DLEC1: variants seen among roughly 807,000 people sequenced by gnomAD.
DLEC1 encodes DLEC1 cilia and flagella associated protein, also known as deleted in lung and esophageal cancer protein 1.
DLEC1 carries 146 observed loss-of-function variants against 198.1 expected under a neutral mutation model. That is an observed-to-expected ratio of 0.74 (90% confidence interval 0.64 to 0.85). DLEC1 has a LOEUF of 0.85. Ranked by LOEUF, DLEC1 falls within the 40% of genes least tolerant of loss-of-function variation. The pLI is 0.00. For missense variants in DLEC1, 2,233 were observed against 2,220.0 expected, an observed-to-expected ratio of 1.01 and a Z score of -0.12; for synonymous variants, 897 against 866.8, an observed-to-expected ratio of 1.03 and a Z score of -0.61.
rs538519702 is a variant in DLEC1, at chr3:38,115,760, G to A, written c.3857-693G>A. 4.6e-5 allele frequency among the ~76,000 whole-genome samples: 7 copies of A among 152,236 alleles called. No homozygotes were observed. The South Asian group carries it at 8.3e-4, about 18-fold the overall frequency. ...TTGGGGGCTTCTGGGAGATGAGGTG[G>A]GGCTACCGGCTGGGTGTGGGAAGGC... On this transcript the variant is annotated intron_variant, in intron 27 of 36. Transcript: ENST00000308059.
At chr3:38,110,039 T>C in intron 22 of DLEC1, 60 bp from the exon 23 acceptor site, 1 of 1,579,068 alleles carries the variant, frequency 6.3e-7, no homozygotes, top group Admixed American at 1.7e-5. Context: ...GATGGCTCCC[T>C]GGGCAGGGCC....
chr3:38,039,535 T>G lies in DLEC1; in HGVS notation c.310T>G (p.Tyr104Asp). 6.2e-7 allele frequency: 1 copy of G among 1,614,042 alleles called. No homozygotes were observed. The highest frequency in any genetic ancestry group is 1.7e-5 in the Admixed American group (1 of 60,034). The change falls in exon 1 of 37, where the codon TAC becomes GAC. Residue 104 changes from tyrosine to aspartate, a missense_variant. By Grantham distance (160) the Tyr-to-Asp change is radical. Transcript: ENST00000308059. ...HLLTGVFRNL[Y>D]SAEVIGDEVS... The stretch of plus-strand genomic sequence containing the variant: ...GCTCACCGGCGTCTTCCGCAACTTG[T>G]ACTCAGCCGAGGTCATCGGCGACGA...
chr3:38,122,547 C>T lies in DLEC1; in HGVS notation c.*135C>T. 1 of 1,609,564 alleles carries T rather than the reference C, an allele frequency of 6.2e-7. No homozygotes were observed. Among genetic ancestry groups the T allele is most frequent in the African/African-American group, 1.3e-5 (1 of 74,738 alleles). ...CTGGGCAGCTCCTGGAATGGAAGAA[C>T]CCCCTTCCACAATGGTCTCAGCCTA... On this transcript the variant is annotated 3_prime_UTR_variant, in exon 37 of 37. Coordinates refer to ENST00000308059, the MANE Select transcript of DLEC1 (RefSeq NM_007335.4).
intron 2 of DLEC1, among the ~76,000 whole-genome samples, chr3:38,055,219 G>A (rs903383932): frequency 1.3e-5 from 2 of 152,214 alleles, no homozygotes; most frequent in African/African-American, 4.8e-5. Flanking sequence ...AGAGAAGTGT[G>A]GGGACATGAG....
chr3:38,086,445 C>CT, intron 9 of DLEC1, 68 bp downstream of exon 9: 1 of 1,547,384 alleles, frequency 6.5e-7, no homozygotes. Context: ...CCCAGAGGAA[C>CT]TTACTAGAGT....
intron 13 of DLEC1, chr3:38,095,410 C>T (rs372916334): frequency 3.3e-5 from 11 of 337,388 alleles, no homozygotes; most frequent in African/African-American, 1.6e-4. Flanking sequence ...TGCAGGGACC[C>T]GAGGGCCAGG....
intron 23 of DLEC1, among the ~76,000 whole-genome samples, chr3:38,110,937 CAT>C (rs749453369): frequency 5.3e-5 from 8 of 152,058 alleles, no homozygotes; most frequent in East Asian, 3.9e-4. Context: ...TGCACACACA[CAT>C]ATACATAAAC....
chr3:38,112,272 G>T lies in DLEC1; in HGVS notation c.3577G>T (p.Gly1193Cys), dbSNP rs562227740. ...TGCTTTCTTCCCTCACTTTTCCCAG[G>T]GCATGCTGGGGCCCTACCAGCAGCT... Reference protein sequence around the residue: ...GAAFFPHFSQGMLGPYQQLCI... With the variant: ...GAAFFPHFSQCMLGPYQQLCI... Residue 1193 changes from glycine (G) to cysteine (C), a missense_variant, in exon 25 of 37, where the codon GGC becomes TGC. Physicochemically the swap from Gly to Cys is radical, Grantham distance 159. Transcript: ENST00000308059. This position sits in a 1 kb window ranked among gnomAD's most constrained non-coding sequence, Gnocchi z 4.8. 1.2e-6 allele frequency: 2 copies of T among 1,614,132 alleles called. No individual in the cohort carries two copies. The highest frequency in any genetic ancestry group is 1.1e-5 in the South Asian group (1 of 91,086).
chr3:38,090,694 T>C (rs572446490), intron 10 of DLEC1, among the ~76,000 whole-genome samples: 1 of 152,362 alleles, frequency 6.6e-6, no homozygotes, highest in South Asian at 2.1e-4. Flanking sequence ...GTTGCCAAAA[T>C]CCTTACCATG....
At chr3:38,097,358 A>AG in intron 16 of DLEC1, 83 bp downstream of exon 16, 1 of 1,538,348 alleles carries the variant, frequency 6.5e-7, no homozygotes, top group South Asian at 1.2e-5. Flanking sequence ...GGGCTTATGC[A>AG]GGGCTCTTGG....
chr3:38,095,268 T>G (rs1015673311), intron 13 of DLEC1, 197 bp downstream of exon 13: 2 of 621,714 alleles, frequency 3.2e-6, no homozygotes, highest in Admixed American at 3.0e-5. Flanking sequence ...CTGGTCCTGA[T>G]CCCAGACTCA....
At position 38,116,578 on chromosome 3, in the gene DLEC1, G is replaced by GA; in HGVS notation, c.3983dup (p.Asp1328GlufsTer4). ...AGCCGGGAATGAGCTTGTGTGCCCT[G>GA]ATACCCCTGAGGGTGGCTGCCTCCT... is the stretch of plus-strand genomic sequence containing the variant. On this transcript the variant is annotated frameshift_variant, in exon 28 of 37. Coordinates refer to ENST00000308059, the MANE Select transcript of DLEC1 (RefSeq NM_007335.4). LOFTEE classifies it high-confidence loss of function. 1 of 1,614,108 alleles carries GA rather than the reference G, an allele frequency of 6.2e-7. No homozygotes were observed. Among genetic ancestry groups the GA allele is most frequent in the South Asian group, 1.1e-5 (1 of 91,088 alleles).
At position 38,086,348 on chromosome 3, in the gene DLEC1, A is replaced by C; in HGVS notation, c.1543A>C (p.Lys515Gln). 2 of 1,611,082 alleles carry C rather than the reference A, an allele frequency of 1.2e-6. No individual in the cohort carries two copies. The highest frequency in any genetic ancestry group is 1.7e-6 in the Non-Finnish European group (2 of 1,178,568). The part of the protein sequence containing the change: ...FSVGRFCIMP[K>Q]TSWPPLSFKA... ...TGTTGGCAGGTTCTGCATTATGCCC[A>C]AAACAAGCTGGCCACCACTAAGTTT... Residue 515 changes from lysine (K) to glutamine (Q), a missense_variant, in exon 9 of 37, where the codon AAA (lysine) becomes CAA (glutamine). Lys to Gln is a moderately conservative substitution (Grantham distance 53). Coordinates refer to ENST00000308059, the MANE Select transcript of DLEC1 (RefSeq NM_007335.4).
At chr3:38,054,406 C>T (rs1696240817) in intron 2 of DLEC1, among the ~76,000 whole-genome samples, 1 of 152,172 alleles carries the variant, frequency 6.6e-6, no homozygotes, top group Non-Finnish European at 1.5e-5. Flanking sequence ...TGCTAGCCTA[C>T]AGTGTTTCAC....
rs1487902864 is a variant in DLEC1, at chr3:38,064,627, A to G, written c.1173+708A>G. Reference sequence around the variant, plus strand: ...CCACCACCTCCCGGGAAGGGCGGCTAGCCGGGCGGGGGCTGCCCCCCACCT... The same window carrying G: ...CCACCACCTCCCGGGAAGGGCGGCTGGCCGGGCGGGGGCTGCCCCCCACCT... On this transcript the variant is annotated intron_variant, in intron 6 of 36. Transcript: ENST00000308059. 1.3e-4 allele frequency among the ~76,000 whole-genome samples: 18 copies of G among 143,262 alleles called. No individual in the cohort carries two copies. The East Asian group carries it at 1.5e-3, about 12-fold the overall frequency. The allele number at this position is 143,262 out of a possible 152,430, so 94.0% of individuals were successfully genotyped here. A position where few individuals can be genotyped will look rare whatever the true frequency, so the allele number is the denominator to read the frequency against.
Position 38,086,299 on chromosome 3 carries a change from C to T in DLEC1, c.1494C>T (p.Phe498=), listed in dbSNP as rs188278132. ...CLIGGVKMTR[F]ICKNVGFSVG... ...TTGGGGGAGTCAAGATGACCAGATT[C>T]ATCTGCAAAAATGTGGGTTTCAGTG... is the stretch of plus-strand genomic sequence containing the variant. Residue 498 remains phenylalanine, a synonymous_variant, in exon 9 of 37, where the codon TTC becomes TTT. Coordinates refer to ENST00000308059, the MANE Select transcript of DLEC1 (RefSeq NM_007335.4). The T allele has an allele frequency of 1.2e-4, 200 of 1,612,856 alleles. No homozygotes were observed. In the Admixed American group the frequency reaches 3.3e-3, roughly 27 times the overall value.
At chr3:38,122,015 T>G in intron 35 of DLEC1, 56 bp from the exon 36 acceptor site, 1 of 1,600,586 alleles carries the variant, frequency 6.2e-7, no homozygotes, top group Non-Finnish European at 8.5e-7. Flanking sequence ...AAAGTCTTCC[T>G]GTGGGAGTAC....
chr3:38,122,534 T>C lies in DLEC1; in HGVS notation c.*122T>C, dbSNP rs1700541409. 3.1e-6 allele frequency: 5 copies of C among 1,611,220 alleles called. No homozygotes were observed. The highest frequency in any genetic ancestry group is 4.2e-6 in the Non-Finnish European group (5 of 1,179,330). On this transcript the variant is annotated 3_prime_UTR_variant, in exon 37 of 37. Coordinates refer to ENST00000308059, the MANE Select transcript of DLEC1 (RefSeq NM_007335.4). The stretch of plus-strand genomic sequence containing the variant: ...GACCTGGGGACCTCTGGGCAGCTCC[T>C]GGAATGGAAGAACCCCCTTCCACAA...
chr3:38,119,867 C>T (rs1700363622), intron 33 of DLEC1, among the ~76,000 whole-genome samples: 2 of 152,202 alleles, frequency 1.3e-5, no homozygotes, highest in South Asian at 2.1e-4. Flanking sequence ...GTTAAGGCAG[C>T]AGCTCCCAGA....
Sources: allele counts gnomAD v4.1 joint callset (sites outside exome capture counted in the v4.1 genomes callset), GRCh38; gene constraint gnomAD v4.1.1; non-coding constraint Gnocchi (gnomAD v3.1); transcripts MANE v1.5; gene names NCBI Gene and HGNC (gene_info 2026-07-23, HGNC 2026-07-21).